The following WDR59 variants were observed in gnomAD, a reference collection of about 807,000 sequenced individuals.
WDR59 encodes WD repeat domain 59.
In WDR59, 100 loss-of-function variants were observed where a neutral mutation model predicts 131.2. The observed-to-expected ratio is 0.76, with a 90% CI of 0.65 to 0.90. The LOEUF (loss-of-function observed/expected upper bound fraction) is 0.90. Among genes scored for constraint, WDR59 ranks in the 40% least tolerant of loss-of-function variants. The probability of loss-of-function intolerance (pLI) is 0.00; values close to 1 mark genes in which losing one functional copy is unlikely to be tolerated. For synonymous variants in WDR59, 601 were observed against 466.2 expected (o/e 1.29, Z -3.72); for missense variants, 1,203 against 1,262.2 (o/e 0.95, Z 0.71).
At chr16:74,963,585 G>A (rs1321167286) in intron 2 of WDR59, among the ~76,000 whole-genome samples, 3 of 147,234 alleles carry the variant, frequency 2.0e-5, no homozygotes, top group African/African-American at 7.6e-5. Flanking sequence ...ACTGGGACTT[G>A]TTGGGGGGCC....
intron 1 of WDR59, among the ~76,000 whole-genome samples, chr16:74,980,356 CTTTTT>C (rs35672894): frequency 7.5e-6 from 1 of 132,564 alleles, no homozygotes; most frequent in Admixed American, 7.7e-5. Flanking sequence ...AAATCTAAGT[CTTTTT>C]TTTTTTTTTT....
At chr16:74,910,815 C>T (rs942080308) in intron 14 of WDR59, among the ~76,000 whole-genome samples, 3 of 152,094 alleles carry the variant, frequency 2.0e-5, no homozygotes, top group Non-Finnish European at 2.9e-5. Flanking sequence ...TCTTACTGCC[C>T]AGGCTGGAGT....
intron 6 of WDR59, among the ~76,000 whole-genome samples, chr16:74,945,815 CT>C (rs777336166): frequency 0.062 from 8,310 of 132,990 alleles, 658 homozygotes; most frequent in African/African-American, 0.21. Flanking sequence ...ATTCACATAA[CT>C]TTTTTTTTTT....
At chr16:74,890,281 T>C (rs1964974419) in intron 20 of WDR59, among the ~76,000 whole-genome samples, 1 of 152,020 alleles carries the variant, frequency 6.6e-6, no homozygotes, top group East Asian at 1.9e-4. Context: ...CTCCCGAGTA[T>C]CTAGGATCAC....
At chr16:74,951,359 G>A (rs1001728548) in intron 4 of WDR59, 99 bp downstream of exon 4, 13 of 1,203,644 alleles carry the variant, frequency 1.1e-5, no homozygotes, top group South Asian at 2.6e-5. Context: ...GTGCAACACA[G>A]ACAGTCAAGC....
intron 6 of WDR59, among the ~76,000 whole-genome samples, chr16:74,946,842 A>G (rs1222862298): frequency 1.3e-5 from 2 of 152,226 alleles, no homozygotes; most frequent in African/African-American, 4.8e-5. Context: ...GTACAGAGGG[A>G]AAAAGTACCA....
chr16:74,975,254 G>A (rs926778012), intron 1 of WDR59, among the ~76,000 whole-genome samples: 8 of 152,024 alleles, frequency 5.3e-5, no homozygotes, highest in Admixed American at 5.2e-4. Flanking sequence ...CCAGCTACTC[G>A]GGAGGCTGAG....
At chr16:74,973,999 G>A (rs570715809) in intron 1 of WDR59, among the ~76,000 whole-genome samples, 7 of 152,152 alleles carry the variant, frequency 4.6e-5, no homozygotes, top group East Asian at 1.9e-4. Flanking sequence ...GTGAAACCTC[G>A]TCTCTACTAA....
intron 21 of WDR59, 127 bp from the exon 22 acceptor site, chr16:74,888,446 C>T: frequency 2.0e-6 from 2 of 1,019,770 alleles, no homozygotes; most frequent in Non-Finnish European, 2.8e-6. Flanking sequence ...CCTCAAAAAC[C>T]CATCAGGAAA....
At chr16:74,913,506 G>C (rs1966209438) in intron 13 of WDR59, among the ~76,000 whole-genome samples, 1 of 152,030 alleles carries the variant, frequency 6.6e-6, no homozygotes, top group Non-Finnish European at 1.5e-5. Flanking sequence ...GGCCAGGCTG[G>C]TCTCAAACTC....
At chr16:74,918,079 G>C (rs931546933) in intron 10 of WDR59, 71 bp from the exon 11 acceptor site, 57 of 1,456,228 alleles carry the variant, frequency 3.9e-5, no homozygotes, top group Non-Finnish European at 5.3e-5. Context: ...GGTTGAAATG[G>C]AGTGAGATTC....
At chr16:74,909,082 G>A (rs1319895831) in intron 16 of WDR59, 105 bp from the exon 17 acceptor site, 5 of 956,918 alleles carry the variant, frequency 5.2e-6, no homozygotes, top group Non-Finnish European at 8.2e-6. Flanking sequence ...ACACCTGAGG[G>A]TAAGACACAT....
In WDR59 at chr16:74,970,538, C is replaced by T. The variant is rs182151650; in HGVS notation, c.55-4716G>A. Among the ~76,000 whole-genome samples the T allele has an allele frequency of 8.1e-4, 105 of 129,562 alleles. 1 individual carries two copies. The highest frequency in any genetic ancestry group is 2.7e-3 in the African/African-American group (102 of 38,390). The allele number at this position is 129,562 out of a possible 152,430, so 85.0% of individuals were successfully genotyped here. A position where few individuals can be genotyped will look rare whatever the true frequency, so the allele number is the denominator to read the frequency against. The stretch of plus-strand genomic sequence containing the variant: ...AAAAAAAAAAAAAAAGCAGCTCTCC[C>T]AAGGACCTCTCTAAGCAGGTTCCAC... On this transcript the variant is annotated intron_variant, in intron 1 of 25. Transcript: ENST00000262144.
intron 17 of WDR59, among the ~76,000 whole-genome samples, chr16:74,907,613 C>T (rs746853501): frequency 8.5e-5 from 13 of 152,154 alleles, no homozygotes; most frequent in South Asian, 4.2e-4. Flanking sequence ...AGTGTGAGAA[C>T]GGACTAATAC....
At position 74,921,937 on chromosome 16, in the gene WDR59, T is replaced by C. The variant is rs763007028; in HGVS notation, c.886+10A>G. The C allele has an allele frequency of 1.9e-6, 3 of 1,612,926 alleles. No individual in the cohort carries two copies. The highest frequency in any genetic ancestry group is 1.3e-5 in the African/African-American group (1 of 74,908). ...AGAAGGAAAGTGGGCAGCAGGCCTC[T>C]CCCACTCACCTTCCTTCTGCTTCCT... On this transcript the variant is annotated intron_variant, in intron 10 of 25. Coordinates refer to ENST00000262144, the MANE Select transcript of WDR59 (RefSeq NM_030581.4).
intron 2 of WDR59, among the ~76,000 whole-genome samples, chr16:74,957,886 T>C (rs781047147): frequency 9.9e-5 from 15 of 151,998 alleles, no homozygotes; most frequent in Middle Eastern, 3.4e-3. Flanking sequence ...GGAGAGAAGA[T>C]GGAGGGAGAA....
At position 74,874,198 on chromosome 16, in the gene WDR59, C is replaced by A; in HGVS notation, c.*11G>T. Reference sequence around the variant, plus strand: ...CTCTGGGATTTCAGACAATACCCAACTTCTGTAGGTTCAGAAAGTGCTTTC... The same window carrying A: ...CTCTGGGATTTCAGACAATACCCAAATTCTGTAGGTTCAGAAAGTGCTTTC... On this transcript the variant is annotated 3_prime_UTR_variant, in exon 26 of 26. Coordinates refer to ENST00000262144, the MANE Select transcript of WDR59 (RefSeq NM_030581.4). The A allele has an allele frequency of 6.2e-7, 1 of 1,609,532 alleles. No individual in the cohort carries two copies. Among genetic ancestry groups the A allele is most frequent in the Non-Finnish European group, 8.5e-7 (1 of 1,176,868 alleles).
At chr16:74,892,280 G>C (rs1268905194) in intron 20 of WDR59, among the ~76,000 whole-genome samples, 2 of 152,144 alleles carry the variant, frequency 1.3e-5, no homozygotes, top group African/African-American at 4.8e-5. Context: ...CGATGCTTTA[G>C]GACCTTCCCA....
In WDR59 at chr16:74,909,565, G is replaced by A. The variant is rs770359876; in HGVS notation, c.1578C>T (p.Tyr526=). The part of the protein sequence containing the change: ...LPTFARVTTA[Y]GSYQDANIPF... ...GAATGTTGGCGTCCTGGTACGACCC[G>A]TAAGCCGTGGTCACCCGCGCAAACG... The change falls in exon 16 of 26, where the codon TAC becomes TAT. Residue 526 remains tyrosine (Y), a synonymous_variant. Transcript: ENST00000262144. The A allele has an allele frequency of 1.8e-5, 29 of 1,610,624 alleles. No individual in the cohort carries two copies. The highest frequency in any genetic ancestry group is 3.4e-5 in the Admixed American group (2 of 59,536).
Sources: gnomAD v4.1 joint callset for allele counts (sites outside exome capture counted in the v4.1 genomes callset) on GRCh38, gnomAD v4.1.1 for gene constraint, MANE v1.5 for transcripts, NCBI Gene and HGNC (gene_info 2026-07-23, HGNC 2026-07-21) for gene names.